The following RAP1GDS1 variants were observed in gnomAD, a reference collection of about 807,000 sequenced individuals.
The protein encoded by RAP1GDS1 is Rap1 GTPase-GDP dissociation stimulator 1.
Under a neutral mutation model 71.1 loss-of-function variants are expected in RAP1GDS1, and 35 were observed. That is an observed-to-expected ratio of 0.49 (90% confidence interval 0.38 to 0.65). The LOEUF is 0.65. Among genes scored for constraint, RAP1GDS1 ranks in the 30% least tolerant of loss-of-function variants. RAP1GDS1 has a pLI of 0.00. For missense variants in RAP1GDS1, 663 were observed against 706.1 expected (o/e 0.94, Z 0.69); for synonymous variants, 229 against 243.1 (o/e 0.94, Z 0.54).
chr4:98,342,815 T>C (rs1411123440), intron 2 of RAP1GDS1, among the ~76,000 whole-genome samples: 3 of 152,104 alleles, frequency 2.0e-5, no homozygotes, highest in African/African-American at 7.2e-5. Flanking sequence ...AAAAAAGCAT[T>C]TATATTCTGA....
At chr4:98,308,512 A>T (rs949865760) in intron 2 of RAP1GDS1, among the ~76,000 whole-genome samples, 1 of 150,164 alleles carries the variant, frequency 6.7e-6, no homozygotes, top group Admixed American at 6.8e-5. Flanking sequence ...AAAAACAAAA[A>T]GATTTTAAAC....
At chr4:98,269,829 G>T (rs935756304) in intron 1 of RAP1GDS1, among the ~76,000 whole-genome samples, 7 of 152,098 alleles carry the variant, frequency 4.6e-5, no homozygotes, top group African/African-American at 1.7e-4. Context: ...TTCAAAATCT[G>T]AAACACTTCT....
chr4:98,364,198 A>G (rs904645734), intron 4 of RAP1GDS1, among the ~76,000 whole-genome samples: 14 of 152,294 alleles, frequency 9.2e-5, no homozygotes, highest in Non-Finnish European at 5.9e-5. Flanking sequence ...TGCATTTAGC[A>G]AAATGTTGTT....
intron 1 of RAP1GDS1, among the ~76,000 whole-genome samples, chr4:98,268,606 A>T (rs1393328448): frequency 2.0e-5 from 3 of 152,160 alleles, no homozygotes; most frequent in Admixed American, 1.3e-4. Context: ...GTCCTAATAA[A>T]TGAATTCAGT....
intron 6 of RAP1GDS1, among the ~76,000 whole-genome samples, chr4:98,400,528 T>TAA (rs774732053): frequency 0.02 from 1,494 of 74,286 alleles, 30 homozygotes; most frequent in African/African-American, 0.052. Flanking sequence ...TTTATAGAAG[T>TAA]AAAAAAAAAA....
At chr4:98,289,608 A>G (rs899885780) in intron 1 of RAP1GDS1, among the ~76,000 whole-genome samples, 2 of 151,728 alleles carry the variant, frequency 1.3e-5, no homozygotes, top group Non-Finnish European at 2.9e-5. Flanking sequence ...AATACAACAT[A>G]GTAAAACTGA....
At chr4:98,269,969 G>A (rs1004803598) in intron 1 of RAP1GDS1, among the ~76,000 whole-genome samples, 2 of 152,106 alleles carry the variant, frequency 1.3e-5, no homozygotes, top group Non-Finnish European at 2.9e-5. Flanking sequence ...TGCAGACTGG[G>A]TAATATATAA....
intron 6 of RAP1GDS1, among the ~76,000 whole-genome samples, chr4:98,394,046 A>T (rs1255037138): frequency 1.3e-5 from 2 of 152,194 alleles, no homozygotes; most frequent in Non-Finnish European, 2.9e-5. Context: ...AGGAGAGTAC[A>T]TAGAAGAAAG....
At chr4:98,329,788 CAA>C (rs34140500) in intron 2 of RAP1GDS1, among the ~76,000 whole-genome samples, 1,907 of 43,190 alleles carry the variant, frequency 0.044, 35 homozygotes, top group African/African-American at 0.14. Context: ...GACTCCATCT[CAA>C]AAAAAAAAAA....
intron 2 of RAP1GDS1, among the ~76,000 whole-genome samples, chr4:98,304,819 G>A (rs947990128): frequency 6.6e-5 from 10 of 152,148 alleles, no homozygotes; most frequent in African/African-American, 2.4e-4. Flanking sequence ...GGGTTTCATA[G>A]TTTGGGGTTT....
At chr4:98,319,712 C>T (rs1270171920) in intron 2 of RAP1GDS1, among the ~76,000 whole-genome samples, 5 of 143,062 alleles carry the variant, frequency 3.5e-5, no homozygotes, top group African/African-American at 5.2e-5. Context: ...ACTCGGTAGG[C>T]GAAGGTTTCA....
intron 1 of RAP1GDS1, among the ~76,000 whole-genome samples, chr4:98,279,922 T>A (rs191493015): frequency 2.0e-5 from 3 of 152,336 alleles, no homozygotes; most frequent in Non-Finnish European, 4.4e-5. Flanking sequence ...TCCATATCCC[T>A]GCAAAGGGCA....
At chr4:98,420,266 G>T (rs1748628038) in intron 11 of RAP1GDS1, 122 bp downstream of exon 11, 1 of 1,011,470 alleles carries the variant, frequency 9.9e-7, no homozygotes. Context: ...GCAAATAAAA[G>T]ATTTAAAAGT....
At chr4:98,400,397 G>A (rs752125388) in intron 6 of RAP1GDS1, among the ~76,000 whole-genome samples, 1 of 151,936 alleles carries the variant, frequency 6.6e-6, no homozygotes, top group Non-Finnish European at 1.5e-5. Context: ...CGAAAAGAAT[G>A]AAATCCTGTT....
intron 12 of RAP1GDS1, among the ~76,000 whole-genome samples, chr4:98,428,176 A>G (rs4699632): frequency 0.15 from 22,218 of 152,062 alleles, 2,387 homozygotes; most frequent in African/African-American, 0.3. Flanking sequence ...CCTCATTTCC[A>G]ACTTAATACA....
chr4:98,409,325 T>C (rs1011673022), intron 7 of RAP1GDS1: 2 of 152,594 alleles, frequency 1.3e-5, no homozygotes, highest in African/African-American at 4.8e-5. Flanking sequence ...GCATCTGATA[T>C]GTATTCTGTA....
chr4:98,332,001 A>C (rs1377135722), intron 2 of RAP1GDS1, among the ~76,000 whole-genome samples: 1 of 152,222 alleles, frequency 6.6e-6, no homozygotes, highest in Non-Finnish European at 1.5e-5. Context: ...TCCCCAACCA[A>C]TCAAAAATCT....
At chr4:98,324,897 C>CAACAAAA (rs1732701142) in intron 2 of RAP1GDS1, among the ~76,000 whole-genome samples, 2 of 152,086 alleles carry the variant, frequency 1.3e-5, no homozygotes, top group Non-Finnish European at 2.9e-5. Flanking sequence ...AAAGCAATGG[C>CAACAAAA]AACAAAAGCC....
intron 2 of RAP1GDS1, among the ~76,000 whole-genome samples, chr4:98,299,351 A>G (rs961486742): frequency 2.0e-5 from 3 of 152,216 alleles, no homozygotes; most frequent in Admixed American, 1.3e-4. Context: ...TATTGTGAAC[A>G]GTGCTGCAAT....
Sources: gnomAD v4.1 joint callset for allele counts (sites outside exome capture counted in the v4.1 genomes callset) on GRCh38, gnomAD v4.1.1 for gene constraint, MANE v1.5 for transcripts, NCBI Gene and HGNC (gene_info 2026-07-23, HGNC 2026-07-21) for gene names.